Variants in PKD1L1 observed in about 807,000 individuals in gnomAD.
PKD1L1 encodes the protein polycystin-1-like protein 1.
In PKD1L1, 236 loss-of-function variants were observed where a neutral mutation model predicts 323.4. The ratio of observed to expected loss-of-function variants is 0.73; its 90% CI spans 0.66 to 0.81. The LOEUF (loss-of-function observed/expected upper bound fraction) is 0.81, where lower values mean the gene tolerates loss of function less well. PKD1L1 is among the 40% of genes least tolerant of loss of function. PKD1L1 has a pLI of 0.00. For synonymous variants in PKD1L1, 1,344 were observed against 1,335.0 expected (o/e 1.01, Z -0.15); for missense variants, 3,320 against 3,508.0 (o/e 0.95, Z 1.35).
At chr7:47,874,054 G>T in intron 23 of PKD1L1, 44 bp from the exon 24 acceptor site, 1 of 1,248,556 alleles carries the variant, frequency 8.0e-7, no homozygotes, top group Non-Finnish European at 1.2e-6. Flanking sequence ...GGACATGTGG[G>T]TTACAGAGAT....
chr7:47,843,168 G>A lies in PKD1L1; in HGVS notation c.5239C>T (p.His1747Tyr). 1 of 1,605,822 alleles carries A rather than the reference G, an allele frequency of 6.2e-7. No individual in the cohort carries two copies. The highest frequency in any genetic ancestry group is 1.1e-5 in the South Asian group (1 of 89,544). ...ATACTGGGAAGCAAGTTTTCTGGGT[G>A]GCTATAAACAAAAGGAGAGATATAA... ...EVSDISKLQS[H>Y]PENLLPSIFI... Residue 1747 changes from histidine to tyrosine, a missense_variant and splice_region_variant, in exon 34 of 57, where the codon CAC becomes TAC. Transcript: ENST00000289672.
At chr7:47,818,328 A>C (rs113838542) in intron 46 of PKD1L1, 133 of 575,878 alleles carry the variant, frequency 2.3e-4, no homozygotes, top group African/African-American at 2.2e-3. Context: ...TTTTCAACAG[A>C]GGAAAGTGTT....
chr7:47,805,086 TACACACACACACACACAC>T (rs59085691), intron 52 of PKD1L1, among the ~76,000 whole-genome samples: 28 of 150,068 alleles, frequency 1.9e-4, no homozygotes, highest in Admixed American at 1.3e-3. Context: ...CCTGTACAAA[TACACACACACACACACAC>T]ACACACACAC....
At chr7:47,838,857 G>A (rs573455953) in intron 36 of PKD1L1, among the ~76,000 whole-genome samples, 14 of 116,608 alleles carry the variant, frequency 1.2e-4, no homozygotes, top group Admixed American at 2.3e-4. Flanking sequence ...CAGCCTGGCA[G>A]TAGAGTGAGA....
chr7:47,837,939 C>A (rs1015495630), intron 36 of PKD1L1, among the ~76,000 whole-genome samples: 1 of 152,138 alleles, frequency 6.6e-6, no homozygotes, highest in East Asian at 1.9e-4. Context: ...CAACAAGCAA[C>A]GCTCAATTCG....
At chr7:47,855,930 T>C (rs552589971) in intron 28 of PKD1L1, among the ~76,000 whole-genome samples, 1 of 149,948 alleles carries the variant, frequency 6.7e-6, no homozygotes, top group African/African-American at 2.4e-5. Context: ...GAAGAATAGC[T>C]ATTCTATAGT....
chr7:47,787,524 A>G (rs1409178593), intron 56 of PKD1L1, among the ~76,000 whole-genome samples: 1 of 152,192 alleles, frequency 6.6e-6, no homozygotes, highest in Non-Finnish European at 1.5e-5. Flanking sequence ...AAATTAGTAT[A>G]GATTACTATG....
At chr7:47,833,375 G>T in intron 40 of PKD1L1, 123 bp from the exon 41 acceptor site, 3 of 1,101,860 alleles carry the variant, frequency 2.7e-6, no homozygotes, top group Non-Finnish European at 3.9e-6. Flanking sequence ...GGGGTGTGGT[G>T]CTGAGGCCTC....
At chr7:47,890,357 C>T (rs987882546) in intron 16 of PKD1L1, among the ~76,000 whole-genome samples, 185 bp downstream of exon 16, 7 of 152,210 alleles carry the variant, frequency 4.6e-5, no homozygotes, top group African/African-American at 1.4e-4. Flanking sequence ...GACATCAGCC[C>T]GAGAGCGGGG....
At chr7:47,959,741 G>A in the PKD1L1 span, among the ~76,000 whole-genome samples, 2 of 141,988 alleles carry the variant, frequency 1.4e-5, no homozygotes, top group Admixed American at 7.0e-5. Context: ...GTCCGGGAGG[G>A]AGGTGGAGGG....
chr7:47,775,210 C>T lies in PKD1L1; in HGVS notation c.8527-44G>A, dbSNP rs774034548. The T allele has an allele frequency of 6.8e-6, 11 of 1,612,468 alleles. No individual in the cohort carries two copies. The South Asian group carries it at 1.2e-4, about 18-fold the overall frequency. ...AAACATACTGAAACAACACCCCTCT[C>T]TCAGTGATTGACAGAACAAATAGGC... On this transcript the variant is annotated intron_variant, in intron 56 of 56. Transcript: ENST00000289672.
rs754069821 is a variant in PKD1L1, at chr7:47,904,430, C to G, written c.1879G>C (p.Gly627Arg). Reference protein sequence around the residue: ...GTDVAYLWDFGDGTVSLGSSS... With the variant: ...GTDVAYLWDFRDGTVSLGSSS... ...CTCCCCAGGCTGACGGTGCCATCCC[C>G]AAAGTCCCACAGGTAGGCAACATCT... The change falls in exon 12 of 57, where the codon GGG becomes CGG. Residue 627 changes from glycine (G) to arginine (R), a missense_variant. Gly to Arg is a moderately radical substitution (Grantham distance 125). Transcript: ENST00000289672. 6.2e-7 allele frequency: 1 copy of G among 1,614,192 alleles called. No individual in the cohort carries two copies. Among genetic ancestry groups the G allele is most frequent in the South Asian group, 1.1e-5 (1 of 91,088 alleles).
Position 47,931,091 on chromosome 7 carries a change from T to C in PKD1L1, c.737+13A>G. On this transcript the variant is annotated intron_variant, in intron 6 of 56. Coordinates refer to ENST00000289672, the MANE Select transcript of PKD1L1 (RefSeq NM_138295.5). ...GAGAAGTGGTGCTGGCCTCCATACCTCCTTCACCGTACCTTCTGGGAGAAG... is the reference window on the plus strand; with the variant it reads ...GAGAAGTGGTGCTGGCCTCCATACCCCCTTCACCGTACCTTCTGGGAGAAG... 6.2e-7 allele frequency: 1 copy of C among 1,611,570 alleles called. No individual in the cohort carries two copies. Among genetic ancestry groups the C allele is most frequent in the Non-Finnish European group, 8.5e-7 (1 of 1,178,390 alleles).
At position 47,827,438 on chromosome 7, in the gene PKD1L1, G is replaced by T; in HGVS notation, c.6766C>A (p.Leu2256Met). 2 of 1,612,012 alleles carry T rather than the reference G, an allele frequency of 1.2e-6. No homozygotes were observed. Among genetic ancestry groups the T allele is most frequent in the Non-Finnish European group, 8.5e-7 (1 of 1,179,586 alleles). Residue 2256 changes from leucine to methionine, a missense_variant, in exon 45 of 57, where the codon CTG (leucine) becomes ATG (methionine). Physicochemically the swap from Leu to Met is conservative, Grantham distance 15 (BLOSUM62 2). Transcript: ENST00000289672. ...VLAARQQARHLRWAHPPSKAQ... is the reference protein window; with the variant it reads ...VLAARQQARHMRWAHPPSKAQ... Reference sequence around the variant, plus strand: ...TTGGATGGTGGATGCGCCCAGCGCAGGTGGCGAGCTTGTTGTCGGGCAGCC... The same window carrying T: ...TTGGATGGTGGATGCGCCCAGCGCATGTGGCGAGCTTGTTGTCGGGCAGCC...
Position 47,803,194 on chromosome 7 carries a change from A to AC in PKD1L1, c.7962+15_7962+16insG. ...GTTTACAAGGGAAATCACCTGATAA[A>AC]GGGGAGAGTTCTTACCCCTGCTACA... On this transcript the variant is annotated intron_variant, in intron 53 of 56. Coordinates refer to ENST00000289672, the MANE Select transcript of PKD1L1 (RefSeq NM_138295.5). 6.2e-7 allele frequency: 1 copy of AC among 1,613,940 alleles called. No homozygotes were observed. Among genetic ancestry groups the AC allele is most frequent in the Non-Finnish European group, 8.5e-7 (1 of 1,179,890 alleles).
chr7:47,948,980 G>C (rs995545772), upstream of PKD1L1, among the ~76,000 whole-genome samples: 2 of 152,080 alleles, frequency 1.3e-5, no homozygotes, highest in African/African-American at 4.8e-5. Flanking sequence ...CAAAACAAAA[G>C]TGTGTTTTAG....
chr7:47,855,131 G>A, intron 29 of PKD1L1, 24 bp downstream of exon 29: 1 of 1,611,822 alleles, frequency 6.2e-7, no homozygotes, highest in Non-Finnish European at 8.5e-7. Context: ...ATGAAGTAGA[G>A]ATACTGAGAA....
At chr7:47,892,498 G>A (rs1786842537) in intron 15 of PKD1L1, among the ~76,000 whole-genome samples, 1 of 152,102 alleles carries the variant, frequency 6.6e-6, no homozygotes, top group Non-Finnish European at 1.5e-5. Flanking sequence ...GTGCTGGAGG[G>A]TCAAACTGTG....
intron 33 of PKD1L1, among the ~76,000 whole-genome samples, chr7:47,843,755 A>G (rs949360299): frequency 3.3e-5 from 5 of 152,148 alleles, no homozygotes; most frequent in African/African-American, 1.2e-4. Context: ...AATGACATTC[A>G]TATCAAGCTG....
Sources: allele counts gnomAD v4.1 joint callset (sites outside exome capture counted in the v4.1 genomes callset), GRCh38; gene constraint gnomAD v4.1.1; transcripts MANE v1.5; gene names NCBI Gene and HGNC (gene_info 2026-07-23, HGNC 2026-07-21).